The following GALNT16 variants were observed in gnomAD, a reference collection of about 807,000 sequenced individuals.
The protein encoded by GALNT16 is polypeptide N-acetylgalactosaminyltransferase 16, also known as UDP-GalNAc:polypeptide N-acetylgalactosaminyltransferase-like protein 1.
In GALNT16, 40 loss-of-function variants were observed where a neutral mutation model predicts 76.1. That is an observed-to-expected ratio of 0.53 (90% CI 0.41 to 0.68). GALNT16 has a LOEUF of 0.68. GALNT16 is among the 30% of genes least tolerant of loss of function. GALNT16 has a pLI of 0.00. For synonymous variants in GALNT16, 276 were observed against 285.2 expected (o/e 0.97, Z 0.32); for missense variants, 621 against 731.9 (o/e 0.85, Z 1.75).
At chr14:69,316,233 T>C (rs1014701211) in intron 1 of GALNT16, among the ~76,000 whole-genome samples, 6 of 152,132 alleles carry the variant, frequency 3.9e-5, no homozygotes, top group South Asian at 2.1e-4. Context: ...GTCTCAAGTA[T>C]TGTATTTGGC....
At chr14:69,373,609 C>G in the GALNT16 span, among the ~76,000 whole-genome samples, 1 of 152,158 alleles carries the variant, frequency 6.6e-6, no homozygotes. Flanking sequence ...TCTTCAAAGG[C>G]AAAACATCTT....
rs750680273 is a variant in GALNT16 at position 69,261,160 on chromosome 14, G to A, written c.177+693G>A. On this transcript the variant is annotated intron_variant, in intron 1 of 14. Transcript: ENST00000448469. The surrounding 1 kb of genome is among the most constrained non-coding windows in gnomAD (Gnocchi z 6.4). ...GAACTTGGCGATACCCTTGCATGAA[G>A]TCAGCCTCGCGACATCTAAGCGGGC... is the stretch of plus-strand genomic sequence containing the variant. Among the ~76,000 whole-genome samples the A allele has an allele frequency of 6.6e-6, 1 of 152,128 alleles. No homozygotes were observed. Among genetic ancestry groups the A allele is most frequent in the African/African-American group, 2.4e-5 (1 of 41,436 alleles).
Position 69,345,499 on chromosome 14 carries a change from C to T in GALNT16, c.1272-1541C>T, listed in dbSNP as rs371410623. ...AGAATGCCAAACATCTTATAATGGC[C>T]CAACCCCCCAGGCCCAGATTGTTTC... On this transcript the variant is annotated intron_variant, in intron 12 of 14. Transcript: ENST00000448469. Among the ~76,000 whole-genome samples the T allele has an allele frequency of 4.6e-5, 7 of 152,058 alleles. No homozygotes were observed. The South Asian group carries it at 1.5e-3, about 32-fold the overall frequency.
Position 69,331,464 on chromosome 14 carries a change from G to C in GALNT16, c.691G>C (p.Asp231His), listed in dbSNP as rs1404636552. 1 of 1,582,740 alleles carries C rather than the reference G, an allele frequency of 6.3e-7. No homozygotes were observed. The highest frequency in any genetic ancestry group is 1.3e-5 in the African/African-American group (1 of 74,328). Reference sequence around the variant, plus strand: ...ACACCATCTCACATCTCTCTCCTAGGACCACACCCGCGTGGTGAGTCCCAT... The same window carrying C: ...ACACCATCTCACATCTCTCTCCTAGCACCACACCCGCGTGGTGAGTCCCAT... The part of the protein sequence containing the change: ...LPPMLQRVKE[D>H]HTRVVSPIID... Residue 231 changes from aspartate to histidine, a missense_variant and splice_region_variant, in exon 7 of 15, where the codon GAC (aspartate) becomes CAC (histidine). Transcript: ENST00000448469.
rs534426655 is a variant in GALNT16 at position 69,300,316 on chromosome 14, A to G, written c.178-20395A>G. On this transcript the variant is annotated intron_variant, in intron 1 of 14. Coordinates refer to ENST00000448469, the MANE Select transcript of GALNT16 (RefSeq NM_001168368.2). ...TACACATAAGCACACTCACATATTCACAAATATGCAGACCCAGAAATGGAA... is the reference window on the plus strand; with the variant it reads ...TACACATAAGCACACTCACATATTCGCAAATATGCAGACCCAGAAATGGAA... 3.0e-4 allele frequency among the ~76,000 whole-genome samples: 46 copies of G among 152,306 alleles called. 1 individual carries two copies. In the South Asian group the frequency reaches 9.5e-3, roughly 32 times the overall value.
intron 1 of GALNT16, among the ~76,000 whole-genome samples, chr14:69,298,135 A>T (rs1366027808): frequency 6.6e-6 from 1 of 152,248 alleles, no homozygotes; most frequent in Non-Finnish European, 1.5e-5. Flanking sequence ...GGTTAAAGAA[A>T]GCAGCCCCTC....
the GALNT16 span, among the ~76,000 whole-genome samples, chr14:69,367,766 A>G: frequency 2.4e-3 from 368 of 152,100 alleles, 3 homozygotes; most frequent in African/African-American, 8.6e-3. Flanking sequence ...GTGGGGGGGA[A>G]CTGCTTGAGG....
intron 1 of GALNT16, among the ~76,000 whole-genome samples, chr14:69,310,131 A>G (rs1163291790): frequency 1.3e-5 from 2 of 152,170 alleles, no homozygotes; most frequent in South Asian, 4.1e-4. Context: ...TGATCTGTTT[A>G]TAGTAAGACA....
chr14:69,279,996 AT>A (rs1200396988), intron 1 of GALNT16, among the ~76,000 whole-genome samples: 1 of 152,198 alleles, frequency 6.6e-6, no homozygotes, highest in African/African-American at 2.4e-5. Context: ...CCTGGTATTG[AT>A]TTATTTTTCT....
At chr14:69,356,354 G>A (rs1413099559), downstream of GALNT16, 1 of 152,246 alleles carries the variant, frequency 6.6e-6, no homozygotes, top group Non-Finnish European at 1.5e-5. Flanking sequence ...ACCCATTCAA[G>A]CCAGGCGCAG....
At chr14:69,371,632 TAA>T in the GALNT16 span, among the ~76,000 whole-genome samples, 3 of 151,984 alleles carry the variant, frequency 2.0e-5, no homozygotes, top group African/African-American at 7.2e-5. Context: ...GCAAAACTCT[TAA>T]GAGTTTGTTT....
At chr14:69,345,513 C>A (rs1014603302) in intron 12 of GALNT16, among the ~76,000 whole-genome samples, 3 of 152,094 alleles carry the variant, frequency 2.0e-5, no homozygotes, top group Admixed American at 2.0e-4. Context: ...CCCCCCAGGC[C>A]CAGATTGTTT....
chr14:69,300,806 C>G (rs559219530), intron 1 of GALNT16, among the ~76,000 whole-genome samples: 1 of 152,174 alleles, frequency 6.6e-6, no homozygotes, highest in Non-Finnish European at 1.5e-5. Flanking sequence ...TTCCTACCCC[C>G]ACACTCCCCT....
At chr14:69,325,196 C>T (rs1214832041) in intron 3 of GALNT16, 141 bp from the exon 4 acceptor site, 1 of 663,162 alleles carries the variant, frequency 1.5e-6, no homozygotes, top group Non-Finnish European at 2.8e-6. Context: ...TGAACTTAGA[C>T]AAGAATAGGA....
chr14:69,279,669 C>T (rs1359774846), intron 1 of GALNT16, among the ~76,000 whole-genome samples: 1 of 152,248 alleles, frequency 6.6e-6, no homozygotes, highest in East Asian at 1.9e-4. Flanking sequence ...GAGTATAGCA[C>T]AGTCTTGGAC....
chr14:69,297,314 A>G (rs1193076807), intron 1 of GALNT16, among the ~76,000 whole-genome samples: 1 of 152,228 alleles, frequency 6.6e-6, no homozygotes, highest in Non-Finnish European at 1.5e-5. Context: ...GTGAGTTATC[A>G]GACCTTTTAA....
At chr14:69,380,151 T>G in the GALNT16 span, 16 of 159,870 alleles carry the variant, frequency 1.0e-4, no homozygotes, top group African/African-American at 3.8e-4. Context: ...CATTTATTTA[T>G]TTTTACCAAG....
chr14:69,343,556 A>G (rs1275082376), intron 12 of GALNT16, among the ~76,000 whole-genome samples: 1 of 152,234 alleles, frequency 6.6e-6, no homozygotes, highest in Non-Finnish European at 1.5e-5. Context: ...AATTTATGAA[A>G]ATGCAACTTC....
downstream of GALNT16, among the ~76,000 whole-genome samples, chr14:69,361,669 A>G (rs1032744911): frequency 3.9e-5 from 6 of 152,130 alleles, no homozygotes; most frequent in African/African-American, 1.4e-4. Flanking sequence ...TTCCACAATC[A>G]TCATTTTGCA....
Sources: gnomAD v4.1 joint callset for allele counts (sites outside exome capture counted in the v4.1 genomes callset) on GRCh38, gnomAD v4.1.1 for gene constraint, Gnocchi (gnomAD v3.1) non-coding constraint, MANE v1.5 for transcripts, NCBI Gene and HGNC (gene_info 2026-07-23, HGNC 2026-07-21) for gene names.